Variants in PTPN14 observed in about 807,000 individuals in gnomAD.
The protein encoded by PTPN14 is tyrosine-protein phosphatase non-receptor type 14.
PTPN14 carries 53 observed loss-of-function variants against 126.8 expected under a neutral mutation model. The ratio of observed to expected loss-of-function variants is 0.42; its 90% CI spans 0.34 to 0.53. PTPN14 has a LOEUF of 0.53. Among genes scored for constraint, PTPN14 ranks in the 20% least tolerant of loss-of-function variants. The pLI, the probability that PTPN14 is intolerant of heterozygous loss-of-function variation, is 0.08. For synonymous variants in PTPN14, 630 were observed against 599.3 expected (o/e 1.05, Z -0.75); for missense variants, 1,257 against 1,552.9 (o/e 0.81, Z 3.20).
intron 18 of PTPN14, among the ~76,000 whole-genome samples, chr1:214,363,578 A>G (rs1415396010): frequency 6.6e-6 from 1 of 152,172 alleles, no homozygotes; most frequent in Non-Finnish European, 1.5e-5. Flanking sequence ...CAGAGTGAAG[A>G]CAGGAAATAA....
At chr1:214,378,377 GCAAAA>G (rs1174393007) in intron 13 of PTPN14, among the ~76,000 whole-genome samples, 1 of 152,028 alleles carries the variant, frequency 6.6e-6, no homozygotes, top group African/African-American at 2.4e-5. Context: ...CTGCCATAGG[GCAAAA>G]CAAAACAAAA....
intron 14 of PTPN14, among the ~76,000 whole-genome samples, chr1:214,377,351 C>T (rs1658366733): frequency 6.6e-6 from 1 of 151,910 alleles, no homozygotes; most frequent in Admixed American, 6.6e-5. Context: ...AAGAAGGAAA[C>T]AACAGACACT....
chr1:214,356,307 G>A lies in PTPN14; in HGVS notation c.*1615C>T, dbSNP rs530325960. ...TTTGTTCTTTGAACTGACCACTGTGGGCATTCCATGCCTTCCTCCACTGCC... is the reference window on the plus strand; with the variant it reads ...TTTGTTCTTTGAACTGACCACTGTGAGCATTCCATGCCTTCCTCCACTGCC... On this transcript the variant is annotated 3_prime_UTR_variant, in exon 19 of 19. Coordinates refer to ENST00000366956, the MANE Select transcript of PTPN14 (RefSeq NM_005401.5). 2.8e-4 allele frequency: 43 copies of A among 152,126 alleles called. No individual in the cohort carries two copies. The highest frequency in any genetic ancestry group is 1.0e-3 in the African/African-American group (43 of 41,476). 9.4% of individuals were successfully genotyped at this position (152,126 alleles called of 1,614,324 possible).
chr1:214,501,021 T>C (rs1654676324), intron 1 of PTPN14, among the ~76,000 whole-genome samples: 1 of 152,136 alleles, frequency 6.6e-6, no homozygotes, highest in Non-Finnish European at 1.5e-5. Context: ...GAAAACTAAA[T>C]ATAGCAAAGA....
chr1:214,516,277 G>A (rs1186909700), intron 1 of PTPN14, among the ~76,000 whole-genome samples: 2 of 152,254 alleles, frequency 1.3e-5, no homozygotes, highest in Non-Finnish European at 2.9e-5. Flanking sequence ...TCTCTATGAT[G>A]CCTTGTGTGT....
In PTPN14 at chr1:214,384,788, T is replaced by C. The variant is rs1487322856; in HGVS notation, c.1067A>G (p.Asp356Gly). ...TTCTTCATTCCCATGAAAAATGCTG[T>C]CTACAAGAAGTCAAACAAAGGCACG... ...EHYSETHTSQ[D>G]SIFHGNEEAL... The change falls in exon 13 of 19, where the codon GAC (aspartate) becomes GGC (glycine). Residue 356 changes from aspartate (D) to glycine (G), a missense_variant and splice_region_variant. Around this residue, in one of 3 missense-constraint regions of PTPN14, gnomAD observed 1,021 missense variants for 1,183.3 expected, o/e 0.86. Coordinates refer to ENST00000366956, the MANE Select transcript of PTPN14 (RefSeq NM_005401.5). The surrounding 1 kb of genome is among the most constrained non-coding windows in gnomAD (Gnocchi z 5.3). 6.2e-7 allele frequency: 1 copy of C among 1,607,790 alleles called. No individual in the cohort carries two copies. Among genetic ancestry groups the C allele is most frequent in the East Asian group, 2.2e-5 (1 of 44,808 alleles).
At chr1:214,466,403 A>T (rs1429344262) in intron 1 of PTPN14, among the ~76,000 whole-genome samples, 1 of 152,224 alleles carries the variant, frequency 6.6e-6, no homozygotes, top group African/African-American at 2.4e-5. Flanking sequence ...TTCCTTTACA[A>T]AATCTTGATG....
chr1:214,462,125 A>C (rs1314788426), intron 2 of PTPN14, among the ~76,000 whole-genome samples: 5 of 152,168 alleles, frequency 3.3e-5, no homozygotes, highest in Admixed American at 6.6e-5. Flanking sequence ...AAAATTCAAA[A>C]AGAAAGTGAT....
intron 5 of PTPN14, among the ~76,000 whole-genome samples, chr1:214,405,973 A>G (rs910424296): frequency 3.6e-4 from 55 of 152,322 alleles, no homozygotes; most frequent in Non-Finnish European, 1.6e-4. Flanking sequence ...ATTGCCAACC[A>G]CAGGTCACAG....
At chr1:214,542,533 A>AG (rs377193517) in intron 1 of PTPN14, among the ~76,000 whole-genome samples, 116 of 152,180 alleles carry the variant, frequency 7.6e-4, no homozygotes, top group African/African-American at 2.6e-3. Context: ...CAGGCCAGTG[A>AG]GGGGGTGAGG....
intron 1 of PTPN14, chr1:214,533,420 G>T: frequency 2.4e-6 from 1 of 415,584 alleles, no homozygotes; most frequent in Non-Finnish European, 4.6e-6. Flanking sequence ...GCCGCAAAGT[G>T]AGTGGCAAAG....
At chr1:214,483,076 G>GACA (rs1661033368) in intron 1 of PTPN14, 1 of 1,611,002 alleles carries the variant, frequency 6.2e-7, no homozygotes, top group South Asian at 1.1e-5. Flanking sequence ...CCAGTTCACA[G>GACA]ACATTTTCAA....
In PTPN14 at chr1:214,482,900, T is replaced by G. The variant is rs187118734; in HGVS notation, c.-154-17943A>C. 23 of 1,592,544 alleles carry G rather than the reference T, an allele frequency of 1.4e-5. No homozygotes were observed. The Middle Eastern group carries it at 6.8e-4, about 47-fold the overall frequency. On this transcript the variant is annotated intron_variant, in intron 1 of 18. Transcript: ENST00000366956. Reference sequence around the variant, plus strand: ...CAGGAAGATTCATATTCTTTACAGCTGATACAGCACAGGCTGGAGCTCCCA... The same window carrying G: ...CAGGAAGATTCATATTCTTTACAGCGGATACAGCACAGGCTGGAGCTCCCA...
intron 1 of PTPN14, among the ~76,000 whole-genome samples, chr1:214,507,580 T>G (rs555387896): frequency 3.9e-5 from 6 of 152,332 alleles, no homozygotes; most frequent in African/African-American, 1.4e-4. Flanking sequence ...TCTCTAGGAT[T>G]TGGGGACAGT....
At chr1:214,500,168 A>G (rs1458323789) in intron 1 of PTPN14, among the ~76,000 whole-genome samples, 1 of 152,070 alleles carries the variant, frequency 6.6e-6, no homozygotes, top group East Asian at 1.9e-4. Flanking sequence ...CAAAGTTTCC[A>G]GAAAAATATT....
chr1:214,480,354 G>A (rs1336316526), intron 1 of PTPN14, among the ~76,000 whole-genome samples: 1 of 152,108 alleles, frequency 6.6e-6, no homozygotes, highest in Non-Finnish European at 1.5e-5. Flanking sequence ...AAAGACCCAC[G>A]CTTGGAGTCA....
At chr1:214,472,243 C>T (rs993622690) in intron 1 of PTPN14, among the ~76,000 whole-genome samples, 4 of 152,164 alleles carry the variant, frequency 2.6e-5, no homozygotes, top group African/African-American at 9.7e-5. Flanking sequence ...GTGCTATCCT[C>T]AGGATACTGA....
rs2102509343 is a variant in PTPN14 at position 214,364,057 on chromosome 1, A to G, written c.3435+455T>C. On this transcript the variant is annotated intron_variant, in intron 18 of 18. Coordinates refer to ENST00000366956, the MANE Select transcript of PTPN14 (RefSeq NM_005401.5). This position sits in a 1 kb window ranked among gnomAD's most constrained non-coding sequence, Gnocchi z 4.1. Reference sequence around the variant, plus strand: ...ACTAGACAAGCAAACAACCCCTCAAACCTCACTCTGAAGAATGAAAAACAT... The same window carrying G: ...ACTAGACAAGCAAACAACCCCTCAAGCCTCACTCTGAAGAATGAAAAACAT... Among the ~76,000 whole-genome samples, 1 of 152,330 alleles carries G rather than the reference A, an allele frequency of 6.6e-6. No individual in the cohort carries two copies. The highest frequency in any genetic ancestry group is 2.1e-4 in the South Asian group (1 of 4,828).
chr1:214,350,281 G>T lies in PTPN14; in HGVS notation c.*7641C>A, dbSNP rs932215653. 6.6e-6 allele frequency: 1 copy of T among 152,188 alleles called. No individual in the cohort carries two copies. Among genetic ancestry groups the T allele is most frequent in the Non-Finnish European group, 1.5e-5 (1 of 68,046 alleles). The allele number at this position is 152,188 out of a possible 1,614,324, so 9.4% of individuals were successfully genotyped here. On this transcript the variant is annotated 3_prime_UTR_variant, in exon 19 of 19. Transcript: ENST00000366956. ...CTATAATGACGAAAGCATTTTCCCT[G>T]CAGGGAGAAGCTAGAAACAAATGGG...
Sources: gnomAD v4.1 joint callset for allele counts (sites outside exome capture counted in the v4.1 genomes callset) on GRCh38, gnomAD v4.1.1 for gene constraint, gnomAD v4.1.1 regional missense constraint, Gnocchi (gnomAD v3.1) non-coding constraint, MANE v1.5 for transcripts, NCBI Gene and HGNC (gene_info 2026-07-23, HGNC 2026-07-21) for gene names.